GLIS3: variants seen among roughly 807,000 people sequenced by gnomAD.
GLIS3 encodes zinc finger protein GLIS3.
Under a neutral mutation model 78.6 loss-of-function variants are expected in GLIS3, and 53 were observed. That is an observed-to-expected ratio of 0.67 (90% confidence interval 0.54 to 0.85). GLIS3 has a LOEUF of 0.85. Ranked by LOEUF, GLIS3 falls within the 40% of genes least tolerant of loss-of-function variation. The probability of loss-of-function intolerance (pLI) is 0.00; values close to 1 mark genes in which losing one functional copy is unlikely to be tolerated. For synonymous variants in GLIS3, 684 were observed against 509.9 expected (o/e 1.34, Z -4.60); for missense variants, 1,703 against 1,231.1 (o/e 1.38, Z -5.74).
At chr9:4,418,293 A>G in the GLIS3 span, among the ~76,000 whole-genome samples, 1 of 152,152 alleles carries the variant, frequency 6.6e-6, no homozygotes, top group Non-Finnish European at 1.5e-5. Context: ...GGCTTTAACT[A>G]TTGAGGTCAT....
At chr9:4,022,821 A>G (rs937086631) in intron 4 of GLIS3, among the ~76,000 whole-genome samples, 1 of 152,254 alleles carries the variant, frequency 6.6e-6, no homozygotes, top group Non-Finnish European at 1.5e-5. Context: ...CAGACACAAG[A>G]AAGTATACAC....
intron 2 of GLIS3, among the ~76,000 whole-genome samples, chr9:4,128,873 T>C (rs543295958): frequency 3.3e-5 from 5 of 152,314 alleles, no homozygotes; most frequent in African/African-American, 9.6e-5. Context: ...CCAAATTCAC[T>C]GGTCAACTTT....
chr9:4,282,377 A>G (rs1391220671), intron 2 of GLIS3, among the ~76,000 whole-genome samples: 1 of 152,172 alleles, frequency 6.6e-6, no homozygotes, highest in Non-Finnish European at 1.5e-5. Flanking sequence ...ACACTGAGTA[A>G]AACATATTGC....
intron 6 of GLIS3, among the ~76,000 whole-genome samples, chr9:3,928,477 C>A (rs948252246): frequency 2.6e-5 from 4 of 152,152 alleles, no homozygotes; most frequent in Non-Finnish European, 5.9e-5. Context: ...TTTCACATAG[C>A]TCTTAAAGAT....
At chr9:3,952,746 C>G (rs1816783343) in intron 4 of GLIS3, among the ~76,000 whole-genome samples, 2 of 152,156 alleles carry the variant, frequency 1.3e-5, no homozygotes, top group South Asian at 4.1e-4. Flanking sequence ...GGTATCCTAG[C>G]ACAGTGCTTC....
intron 2 of GLIS3, among the ~76,000 whole-genome samples, chr9:4,185,550 G>C (rs972615337): frequency 9.9e-5 from 15 of 152,012 alleles, no homozygotes; most frequent in African/African-American, 3.6e-4. Context: ...AAAGTTGATG[G>C]TTTATGTATT....
intron 9 of GLIS3, among the ~76,000 whole-genome samples, chr9:3,839,965 C>T (rs1818613623): frequency 6.6e-6 from 1 of 152,072 alleles, no homozygotes; most frequent in Non-Finnish European, 1.5e-5. Flanking sequence ...CTGATTTAGC[C>T]CCTCTTTTAT....
the GLIS3 span, among the ~76,000 whole-genome samples, chr9:4,441,695 C>G: frequency 6.6e-6 from 1 of 152,126 alleles, no homozygotes; most frequent in Non-Finnish European, 1.5e-5. Context: ...CAACCTCTGC[C>G]TCTCGGGTTC....
chr9:4,466,570 T>C, the GLIS3 span, among the ~76,000 whole-genome samples: 1 of 152,282 alleles, frequency 6.6e-6, no homozygotes. Context: ...TAACAATATA[T>C]ATAAAGGATA....
intron 9 of GLIS3, among the ~76,000 whole-genome samples, chr9:3,839,797 G>T (rs1429612939): frequency 2.0e-5 from 3 of 152,172 alleles, no homozygotes; most frequent in Admixed American, 2.0e-4. Context: ...AAGTTACCCA[G>T]ACTGCATCAA....
the GLIS3 span, among the ~76,000 whole-genome samples, chr9:4,366,897 C>T: frequency 1.3e-5 from 2 of 152,196 alleles, no homozygotes; most frequent in Non-Finnish European, 2.9e-5. Context: ...ATTACAGGCT[C>T]GTGGAAGACC....
At chr9:4,177,945 T>C (rs958736367) in intron 2 of GLIS3, among the ~76,000 whole-genome samples, 1 of 152,214 alleles carries the variant, frequency 6.6e-6, no homozygotes, top group African/African-American at 2.4e-5. Flanking sequence ...TGAATCCACA[T>C]GAAATATTTC....
At chr9:4,064,733 G>A (rs1348515136) in intron 4 of GLIS3, among the ~76,000 whole-genome samples, 2 of 152,202 alleles carry the variant, frequency 1.3e-5, no homozygotes, top group African/African-American at 4.8e-5. Flanking sequence ...GGTGGAGGTT[G>A]AAATGAGCTG....
chr9:4,369,743 C>T, the GLIS3 span, among the ~76,000 whole-genome samples: 1 of 152,026 alleles, frequency 6.6e-6, no homozygotes, highest in East Asian at 1.9e-4. Flanking sequence ...TATCAGAATC[C>T]CAAAGGACCT....
At chr9:4,372,052 G>GA in the GLIS3 span, among the ~76,000 whole-genome samples, 3 of 152,226 alleles carry the variant, frequency 2.0e-5, no homozygotes, top group African/African-American at 7.2e-5. Flanking sequence ...TCTCCTGTGG[G>GA]ATCCCTGTTA....
At chr9:3,960,060 C>T (rs1221481639) in intron 4 of GLIS3, among the ~76,000 whole-genome samples, 1 of 152,094 alleles carries the variant, frequency 6.6e-6, no homozygotes, top group African/African-American at 2.4e-5. Context: ...TTGCTTGAAC[C>T]GAGGAGGCGG....
chr9:4,138,302 T>A (rs1367059241), intron 2 of GLIS3, among the ~76,000 whole-genome samples: 4 of 152,220 alleles, frequency 2.6e-5, no homozygotes, highest in African/African-American at 9.6e-5. Flanking sequence ...ATTTACTGGG[T>A]GTTAGGCTTG....
At chr9:3,993,935 C>A (rs1292830153) in intron 4 of GLIS3, among the ~76,000 whole-genome samples, 1 of 152,178 alleles carries the variant, frequency 6.6e-6, no homozygotes, top group East Asian at 1.9e-4. Flanking sequence ...CACTTCCTTT[C>A]TGTTCTAACC....
intron 4 of GLIS3, among the ~76,000 whole-genome samples, chr9:3,953,799 A>ATGTG: frequency 3.3e-5 from 1 of 30,286 alleles, no homozygotes; most frequent in African/African-American, 1.1e-4. Flanking sequence ...CTCTCTCTAT[A>ATGTG]TATATATATA....
Sources: allele counts gnomAD v4.1 joint callset (sites outside exome capture counted in the v4.1 genomes callset), GRCh38; gene constraint gnomAD v4.1.1; transcripts MANE v1.5; gene names NCBI Gene and HGNC (gene_info 2026-07-23, HGNC 2026-07-21).